FANCC: variants seen among roughly 807,000 people sequenced by gnomAD.
FANCC encodes Fanconi anemia group C protein.
In FANCC, 55 loss-of-function variants were observed where a neutral mutation model predicts 71.3. The ratio of observed to expected loss-of-function variants is 0.77; its 90% CI spans 0.62 to 0.97. The LOEUF (loss-of-function observed/expected upper bound fraction) is 0.97, where lower values mean the gene tolerates loss of function less well. Among genes scored for constraint, FANCC ranks in the 50% least tolerant of loss-of-function variants. The pLI is 0.00. For synonymous variants in FANCC, 275 were observed against 244.9 expected, an observed-to-expected ratio of 1.12 and a Z score of -1.15; for missense variants, 678 against 670.9, an observed-to-expected ratio of 1.01 and a Z score of -0.12.
chr9:95,120,416 C>CTTT (rs1011870014), intron 10 of FANCC, among the ~76,000 whole-genome samples: 1 of 138,618 alleles, frequency 7.2e-6, no homozygotes, highest in Admixed American at 7.3e-5. Context: ...CTTTTAAAAT[C>CTTT]TTTTTTTTTT....
intron 1 of FANCC, among the ~76,000 whole-genome samples, chr9:95,291,547 A>C (rs570972278): frequency 3.9e-5 from 6 of 152,328 alleles, no homozygotes; most frequent in Admixed American, 3.9e-4. Flanking sequence ...AAAGATCTCT[A>C]CAATGAAAAC....
In FANCC at chr9:95,293,553, A is replaced by T. The variant is rs573224096; in HGVS notation, c.-79+23973T>A. 1.9e-6 allele frequency: 3 copies of T among 1,612,982 alleles called. No individual in the cohort carries two copies. The South Asian group carries it at 3.3e-5, about 18-fold the overall frequency. ...ACAAGAACTAGGGAACACATGTCAGAAGAACGGCATTTCTTCAATCAACGT... is the reference window on the plus strand; with the variant it reads ...ACAAGAACTAGGGAACACATGTCAGTAGAACGGCATTTCTTCAATCAACGT... On this transcript the variant is annotated intron_variant, in intron 1 of 14. Transcript: ENST00000289081.
At chr9:95,210,990 A>G (rs1264787870) in intron 4 of FANCC, among the ~76,000 whole-genome samples, 1 of 152,202 alleles carries the variant, frequency 6.6e-6, no homozygotes, top group Non-Finnish European at 1.5e-5. Flanking sequence ...AAATTTCTTG[A>G]AGGCTTACCA....
At chr9:95,127,794 C>T (rs1396375010) in intron 8 of FANCC, among the ~76,000 whole-genome samples, 2 of 152,226 alleles carry the variant, frequency 1.3e-5, no homozygotes, top group Non-Finnish European at 2.9e-5. Context: ...GCGGCCTCCC[C>T]GATGACATTG....
intron 5 of FANCC, among the ~76,000 whole-genome samples, chr9:95,171,681 A>G (rs1825688794): frequency 6.6e-6 from 1 of 152,204 alleles, no homozygotes; most frequent in African/African-American, 2.4e-5. Context: ...CTTTAACAGA[A>G]AATTCCAATC....
At chr9:95,244,720 ACTTGGTAAATAC>A (rs1326804306) in intron 3 of FANCC, among the ~76,000 whole-genome samples, 12 of 135,928 alleles carry the variant, frequency 8.8e-5, no homozygotes, top group Non-Finnish European at 1.6e-4. Flanking sequence ...AAAACCCAAC[ACTTGGTAAATAC>A]CTGCTGAATT....
intron 13 of FANCC, chr9:95,110,711 CT>C (rs1290601073): frequency 9.4e-7 from 1 of 1,060,514 alleles, no homozygotes; most frequent in East Asian, 5.2e-5. Flanking sequence ...CAAAATGAGC[CT>C]TGTCCTCTTT....
chr9:95,185,974 T>C (rs1181715367), intron 4 of FANCC, among the ~76,000 whole-genome samples: 2 of 152,206 alleles, frequency 1.3e-5, no homozygotes, highest in African/African-American at 4.8e-5. Context: ...AAATCTGAAA[T>C]CTTATCATAT....
At chr9:95,312,747 A>G (rs1835483906) in intron 1 of FANCC, among the ~76,000 whole-genome samples, 1 of 152,250 alleles carries the variant, frequency 6.6e-6, no homozygotes, top group Admixed American at 6.5e-5. Flanking sequence ...TAGGAGATAT[A>G]AGGAGGAGCC....
intron 1 of FANCC, among the ~76,000 whole-genome samples, chr9:95,258,143 C>T (rs1030854434): frequency 6.6e-6 from 1 of 152,176 alleles, no homozygotes; most frequent in African/African-American, 2.4e-5. Context: ...CCTTCTGAAA[C>T]TATTCCAAAC....
At chr9:95,237,207 C>T (rs779702488) in intron 4 of FANCC, among the ~76,000 whole-genome samples, 11 of 152,184 alleles carry the variant, frequency 7.2e-5, no homozygotes, top group Non-Finnish European at 1.3e-4. Context: ...TTCCCAACCT[C>T]GCATATCCTC....
rs904550971 is a variant in FANCC, at chr9:95,181,442, C to T, written c.346-9295G>A. Reference sequence around the variant, plus strand: ...TTGCTAAGAATAATTTTTTTTACCGCCACCTAGTGGTAAATAGTCTAAACA... The same window carrying T: ...TTGCTAAGAATAATTTTTTTTACCGTCACCTAGTGGTAAATAGTCTAAACA... On this transcript the variant is annotated intron_variant, in intron 4 of 14. Coordinates refer to ENST00000289081, the MANE Select transcript of FANCC (RefSeq NM_000136.3). Among the ~76,000 whole-genome samples the T allele has an allele frequency of 5.3e-5, 8 of 152,028 alleles. No individual in the cohort carries two copies. In the South Asian group the frequency reaches 1.0e-3, roughly 20 times the overall value.
In FANCC at chr9:95,136,226, C is replaced by CA. The variant is rs202148154; in HGVS notation, c.687-725dup. Among the ~76,000 whole-genome samples, 545 of 151,260 alleles carry CA rather than the reference C, an allele frequency of 3.6e-3. 2 individuals are homozygous for CA. The highest frequency in any genetic ancestry group is 0.013 in the African/African-American group (522 of 41,236). The stretch of plus-strand genomic sequence containing the variant: ...GTCAAATAGTGAGGCCCTGCTTCTA[C>CA]AAAAAAAAATTTTTTTTTTAAATTA... On this transcript the variant is annotated intron_variant, in intron 7 of 14. Transcript: ENST00000289081.
At chr9:95,117,417 GC>G (rs1377756971) in intron 10 of FANCC, 27 bp from the exon 11 acceptor site, 1 of 1,598,166 alleles carries the variant, frequency 6.3e-7, no homozygotes, top group Non-Finnish European at 8.6e-7. Context: ...AATCCAAAGA[GC>G]ATGAACATTA....
intron 4 of FANCC, chr9:95,186,612 G>A (rs1826730918): frequency 6.6e-6 from 1 of 152,190 alleles, no homozygotes; most frequent in South Asian, 2.1e-4. Context: ...TGTGAAGAAA[G>A]CAAGTCACAG....
At position 95,148,640 on chromosome 9, in the gene FANCC, A is replaced by C. The variant is rs571261873; in HGVS notation, c.686+1283T>G. 1.4e-4 allele frequency among the ~76,000 whole-genome samples: 22 copies of C among 152,346 alleles called. No individual in the cohort carries two copies. In the South Asian group the frequency reaches 4.3e-3, roughly 30 times the overall value. On this transcript the variant is annotated intron_variant, in intron 7 of 14. Coordinates refer to ENST00000289081, the MANE Select transcript of FANCC (RefSeq NM_000136.3). ...TAGGTTTTGATACTGCATATGAAAT[A>C]TGTCAATGTTTGGAAGATATACATA...
At chr9:95,268,247 A>G (rs996411536) in intron 1 of FANCC, among the ~76,000 whole-genome samples, 1 of 152,250 alleles carries the variant, frequency 6.6e-6, no homozygotes, top group Non-Finnish European at 1.5e-5. Context: ...ATTTAAATTT[A>G]TCTTCTTTGC....
At chr9:95,310,707 T>C (rs935903248) in intron 1 of FANCC, among the ~76,000 whole-genome samples, 4 of 152,052 alleles carry the variant, frequency 2.6e-5, no homozygotes, top group Non-Finnish European at 5.9e-5. Context: ...GTATCAGTGT[T>C]CCCCAGAGCC....
intron 4 of FANCC, among the ~76,000 whole-genome samples, chr9:95,173,369 C>T (rs1055992809): frequency 2.6e-5 from 4 of 152,042 alleles, no homozygotes; most frequent in Non-Finnish European, 5.9e-5. Context: ...GTCACCTGAA[C>T]AAAGACCGAT....
Sources: gnomAD v4.1 joint callset for allele counts (sites outside exome capture counted in the v4.1 genomes callset) on GRCh38, gnomAD v4.1.1 for gene constraint, MANE v1.5 for transcripts, NCBI Gene and HGNC (gene_info 2026-07-23, HGNC 2026-07-21) for gene names.